Variants in CNTN1 observed in about 807,000 individuals in gnomAD.
The protein encoded by CNTN1 is contactin-1.
In CNTN1, 38 loss-of-function variants were observed where a neutral mutation model predicts 126.4. The ratio of observed to expected loss-of-function variants is 0.30; its 90% confidence interval spans 0.23 to 0.39. The LOEUF (loss-of-function observed/expected upper bound fraction) is 0.39. CNTN1 is among the 10% of genes least tolerant of loss of function. CNTN1 has a pLI of 1.00. For missense variants in CNTN1, 1,009 were observed against 1,248.4 expected (o/e 0.81, Z 2.89); for synonymous variants, 413 against 422.6 (o/e 0.98, Z 0.28).
chr12:40,802,752 T>C (rs1457227690), intron 1 of CNTN1, among the ~76,000 whole-genome samples: 1 of 152,030 alleles, frequency 6.6e-6, no homozygotes, highest in African/African-American at 2.4e-5. Flanking sequence ...CCAGACACTT[T>C]TCTGCTAAAG....
chr12:40,887,496 T>C (rs1592207631), intron 1 of CNTN1, among the ~76,000 whole-genome samples: 3 of 152,210 alleles, frequency 2.0e-5, no homozygotes, highest in East Asian at 3.9e-4. Flanking sequence ...ATGGCGATCA[T>C]TAAAAAGTCA....
intron 1 of CNTN1, among the ~76,000 whole-genome samples, chr12:40,734,020 G>C (rs574474307): frequency 6.6e-6 from 1 of 152,202 alleles, no homozygotes; most frequent in East Asian, 1.9e-4. Context: ...ACTGTAAAAA[G>C]TAAGTGTTGA....
chr12:40,988,878 T>C (rs1408771131), intron 16 of CNTN1, among the ~76,000 whole-genome samples: 1 of 152,214 alleles, frequency 6.6e-6, no homozygotes, highest in Non-Finnish European at 1.5e-5. Flanking sequence ...TAAGATCTGA[T>C]TTTTCACTGC....
chr12:41,003,387 G>A (rs1474161539), intron 17 of CNTN1, among the ~76,000 whole-genome samples: 14 of 152,090 alleles, frequency 9.2e-5, no homozygotes, highest in Non-Finnish European at 1.9e-4. Context: ...TGTTCATCAA[G>A]GATATTGGCC....
rs73111401 is a variant in CNTN1 at position 40,957,140 on chromosome 12, T to C, written c.1684-1974T>C. 5.8e-3 allele frequency among the ~76,000 whole-genome samples: 881 copies of C among 151,906 alleles called. 8 individuals carry two copies. Among genetic ancestry groups the C allele is most frequent in the African/African-American group, 0.02 (824 of 41,444 alleles). ...TGAAGCAGTGGGACTCAGATGAGAATTGATTGAAGAGTAAGAAATGAAGAA... is the reference window on the plus strand; with the variant it reads ...TGAAGCAGTGGGACTCAGATGAGAACTGATTGAAGAGTAAGAAATGAAGAA... On this transcript the variant is annotated intron_variant, in intron 14 of 23. Coordinates refer to ENST00000551295, the MANE Select transcript of CNTN1 (RefSeq NM_001843.4).
intron 1 of CNTN1, among the ~76,000 whole-genome samples, chr12:40,804,851 T>G (rs1347929302): frequency 6.6e-6 from 1 of 151,564 alleles, no homozygotes; most frequent in African/African-American, 2.4e-5. Context: ...ATCTCAGTCT[T>G]TTTTTTCTTA....
At chr12:41,056,656 C>T (rs145676411) in intron 23 of CNTN1, among the ~76,000 whole-genome samples, 34 of 151,990 alleles carry the variant, frequency 2.2e-4, no homozygotes, top group African/African-American at 8.0e-4. Flanking sequence ...TAGCTTCTGC[C>T]ATTATCTAAA....
chr12:40,970,670 T>C (rs922939559), intron 15 of CNTN1, among the ~76,000 whole-genome samples: 1 of 152,172 alleles, frequency 6.6e-6, no homozygotes, highest in Non-Finnish European at 1.5e-5. Flanking sequence ...AATGATTACA[T>C]GGTTTTCTAT....
intron 9 of CNTN1, among the ~76,000 whole-genome samples, chr12:40,934,207 G>C (rs1946000135): frequency 6.6e-6 from 1 of 151,892 alleles, no homozygotes; most frequent in Admixed American, 6.6e-5. Flanking sequence ...TATAGAAGAA[G>C]CTATGTGTTA....
At chr12:40,736,892 G>C in intron 1 of CNTN1, among the ~76,000 whole-genome samples, 1 of 151,896 alleles carries the variant, frequency 6.6e-6, no homozygotes, top group East Asian at 1.9e-4. Context: ...ATTAAGAATT[G>C]GAAATGGGAA....
chr12:40,994,974 T>C (rs1004293705), intron 17 of CNTN1, among the ~76,000 whole-genome samples: 37 of 152,094 alleles, frequency 2.4e-4, no homozygotes, highest in African/African-American at 8.9e-4. Context: ...TTAACTTAGA[T>C]AAACTATTTA....
intron 23 of CNTN1, among the ~76,000 whole-genome samples, chr12:41,035,570 G>C (rs1276166539): frequency 6.6e-6 from 1 of 152,014 alleles, no homozygotes; most frequent in African/African-American, 2.4e-5. Flanking sequence ...AAAACAATTA[G>C]ATTTAATAAA....
intron 16 of CNTN1, among the ~76,000 whole-genome samples, chr12:40,987,190 C>T (rs760418150): frequency 2.1e-4 from 32 of 151,948 alleles, no homozygotes; most frequent in Non-Finnish European, 4.0e-4. Context: ...ATAATGTGAC[C>T]ACTAGGAAAC....
At chr12:40,896,307 C>G (rs1203604137) in intron 1 of CNTN1, among the ~76,000 whole-genome samples, 1 of 151,874 alleles carries the variant, frequency 6.6e-6, no homozygotes, top group Non-Finnish European at 1.5e-5. Context: ...TTTTCCCTCT[C>G]TCTCAGAAAC....
chr12:40,957,006 G>A (rs1161872094), intron 14 of CNTN1, among the ~76,000 whole-genome samples: 1 of 151,888 alleles, frequency 6.6e-6, no homozygotes, highest in Non-Finnish European at 1.5e-5. Context: ...TTGAAGAAAG[G>A]GAGGGGTTAA....
chr12:40,983,514 T>A (rs1947874741), intron 16 of CNTN1, among the ~76,000 whole-genome samples: 1 of 151,678 alleles, frequency 6.6e-6, no homozygotes, highest in South Asian at 2.1e-4. Flanking sequence ...TGTATGTGTG[T>A]ATATGTATAA....
At chr12:40,919,513 G>A (rs1409144260) in intron 4 of CNTN1, among the ~76,000 whole-genome samples, 3 of 152,142 alleles carry the variant, frequency 2.0e-5, no homozygotes, top group Admixed American at 6.6e-5. Flanking sequence ...ACAAGTGACT[G>A]ATGGAGAAAT....
chr12:40,739,047 AC>A (rs1400178471), intron 1 of CNTN1, among the ~76,000 whole-genome samples: 1 of 152,008 alleles, frequency 6.6e-6, no homozygotes, highest in Non-Finnish European at 1.5e-5. Context: ...TGCACTACAA[AC>A]CAGTTAAATC....
At chr12:40,844,874 G>C (rs537996834) in intron 1 of CNTN1, among the ~76,000 whole-genome samples, 8 of 152,210 alleles carry the variant, frequency 5.3e-5, no homozygotes, top group African/African-American at 1.9e-4. Context: ...TTTAGTTTGA[G>C]GGAAAATATT....
Sources: allele counts gnomAD v4.1 joint callset (sites outside exome capture counted in the v4.1 genomes callset), GRCh38; gene constraint gnomAD v4.1.1; transcripts MANE v1.5; gene names NCBI Gene and HGNC (gene_info 2026-07-23, HGNC 2026-07-21).